Variants in HORMAD2 observed in about 807,000 individuals in gnomAD.
HORMAD2 encodes HORMA domain containing 2.
Under a neutral mutation model 38.8 loss-of-function variants are expected in HORMAD2, and 45 were observed. That is an observed-to-expected ratio of 1.16 (90% confidence interval 0.91 to 1.49). The LOEUF is 1.49. Ranked by LOEUF, HORMAD2 falls within the 40% of genes most tolerant of loss-of-function variation. The pLI is 0.00. For synonymous variants in HORMAD2, 126 were observed against 122.8 expected (o/e 1.03, Z -0.17); for missense variants, 338 against 367.0 (o/e 0.92, Z 0.65).
At chr22:30,102,028 A>G (rs896785014) in intron 3 of HORMAD2, among the ~76,000 whole-genome samples, 2 of 152,138 alleles carry the variant, frequency 1.3e-5, no homozygotes. Context: ...TGATTGCACC[A>G]CTGAATTCCA....
At chr22:30,084,725 G>A (rs2068540246) in intron 1 of HORMAD2, among the ~76,000 whole-genome samples, 1 of 151,996 alleles carries the variant, frequency 6.6e-6, no homozygotes, top group Non-Finnish European at 1.5e-5. Context: ...CTGACCTCAA[G>A]TGATCCATCC....
intron 10 of HORMAD2, among the ~76,000 whole-genome samples, chr22:30,129,216 T>C (rs1923092443): frequency 7.1e-5 from 2 of 28,208 alleles, no homozygotes; most frequent in African/African-American, 1.1e-4. Context: ...AGACTCTATC[T>C]CAAAAAAAAA....
At chr22:30,114,405 G>T (rs912091324) in intron 7 of HORMAD2, among the ~76,000 whole-genome samples, 1 of 152,118 alleles carries the variant, frequency 6.6e-6, no homozygotes, top group African/African-American at 2.4e-5. Context: ...GTATAGCAAT[G>T]TTCATAGGGC....
the HORMAD2 span, among the ~76,000 whole-genome samples, chr22:30,204,995 G>A: frequency 6.6e-6 from 1 of 152,128 alleles, no homozygotes; most frequent in African/African-American, 2.4e-5. Context: ...CCGGGGTGGC[G>A]GCTCAAACAT....
chr22:30,177,928 C>T (rs1195398064), downstream of HORMAD2, among the ~76,000 whole-genome samples: 1 of 151,936 alleles, frequency 6.6e-6, no homozygotes, highest in Non-Finnish European at 1.5e-5. Flanking sequence ...AATCCAGCCA[C>T]CTCAGCCTCC....
chr22:30,185,423 A>G, the HORMAD2 span, among the ~76,000 whole-genome samples: 1 of 152,270 alleles, frequency 6.6e-6, no homozygotes. Flanking sequence ...ATTTATGATT[A>G]TAGTATATAA....
At chr22:30,089,553 A>C (rs1431889797) in intron 1 of HORMAD2, among the ~76,000 whole-genome samples, 1 of 152,156 alleles carries the variant, frequency 6.6e-6, no homozygotes, top group Admixed American at 6.5e-5. Context: ...GGATTTCACC[A>C]TGTTGGCCAG....
At chr22:30,164,517 C>T (rs1348189909) in intron 10 of HORMAD2, among the ~76,000 whole-genome samples, 1 of 152,116 alleles carries the variant, frequency 6.6e-6, no homozygotes, top group Non-Finnish European at 1.5e-5. Context: ...AGTGGTATAT[C>T]TTTGTGGCTT....
chr22:30,189,704 T>A, the HORMAD2 span, among the ~76,000 whole-genome samples: 1 of 152,144 alleles, frequency 6.6e-6, no homozygotes, highest in African/African-American at 2.4e-5. Flanking sequence ...GTGTCTTATA[T>A]TTCAGTCAAA....
chr22:30,087,836 G>T (rs568102146), intron 1 of HORMAD2, among the ~76,000 whole-genome samples: 1 of 152,080 alleles, frequency 6.6e-6, no homozygotes, highest in Admixed American at 6.6e-5. Flanking sequence ...ATGAGAAACT[G>T]CCCAGATGAT....
chr22:30,109,333 T>C (rs532526684), intron 5 of HORMAD2, among the ~76,000 whole-genome samples: 1 of 149,020 alleles, frequency 6.7e-6, no homozygotes, highest in East Asian at 2.0e-4. Flanking sequence ...CCTCTCTTTC[T>C]TTCTTATAGG....
chr22:30,178,987 C>A (rs1463909860), downstream of HORMAD2, among the ~76,000 whole-genome samples: 2 of 152,122 alleles, frequency 1.3e-5, no homozygotes, highest in East Asian at 3.8e-4. Flanking sequence ...CTTTCATTCT[C>A]CAGCTCACCT....
intron 1 of HORMAD2, among the ~76,000 whole-genome samples, chr22:30,086,064 A>G (rs980794287): frequency 1.3e-5 from 2 of 152,190 alleles, no homozygotes; most frequent in African/African-American, 4.8e-5. Context: ...TGACTGGATC[A>G]TGGGGGTAGA....
At chr22:30,108,930 C>T (rs1050141961) in intron 5 of HORMAD2, among the ~76,000 whole-genome samples, 4 of 146,444 alleles carry the variant, frequency 2.7e-5, no homozygotes, top group African/African-American at 1.0e-4. Context: ...CTTTCTCTCC[C>T]TCCCTCCTTC....
intron 10 of HORMAD2, among the ~76,000 whole-genome samples, chr22:30,134,126 T>C (rs1329793263): frequency 3.3e-5 from 5 of 152,098 alleles, no homozygotes; most frequent in Admixed American, 2.6e-4. Context: ...GGGCCAGGTG[T>C]GGTGGCTAAT....
intron 1 of HORMAD2, among the ~76,000 whole-genome samples, chr22:30,089,228 A>G (rs2068637656): frequency 6.6e-6 from 1 of 152,224 alleles, no homozygotes; most frequent in African/African-American, 2.4e-5. Context: ...GGTGATCCAG[A>G]ATGGAATATC....
At chr22:30,131,915 A>T (rs1301108608) in intron 10 of HORMAD2, among the ~76,000 whole-genome samples, 2 of 152,258 alleles carry the variant, frequency 1.3e-5, no homozygotes, top group Non-Finnish European at 2.9e-5. Flanking sequence ...CTTAATTAAA[A>T]AGTAAATGAT....
intron 2 of HORMAD2, among the ~76,000 whole-genome samples, chr22:30,094,356 A>G (rs763244393): frequency 7.2e-5 from 11 of 152,184 alleles, no homozygotes; most frequent in Non-Finnish European, 1.5e-4. Context: ...CCATGGTGTA[A>G]TTATAAGAAC....
rs1195822126 is a variant in HORMAD2, at chr22:30,111,822, T to A, written c.315+6T>A. The A allele has an allele frequency of 6.4e-7, 1 of 1,569,614 alleles. No homozygotes were observed. The highest frequency in any genetic ancestry group is 8.6e-7 in the Non-Finnish European group (1 of 1,156,542). On this transcript the variant is annotated splice_donor_region_variant and intron_variant, in intron 6 of 10. Coordinates refer to ENST00000336726, the MANE Select transcript of HORMAD2 (RefSeq NM_152510.4). The stretch of plus-strand genomic sequence containing the variant: ...TACGTATGGCAGTACTGACAGTAAG[T>A]ACACACTCATTTAAAGACCAAGCCT...
Sources: gnomAD v4.1 joint callset for allele counts (sites outside exome capture counted in the v4.1 genomes callset) on GRCh38, gnomAD v4.1.1 for gene constraint, MANE v1.5 for transcripts, NCBI Gene and HGNC (gene_info 2026-07-23, HGNC 2026-07-21) for gene names.